NRG1: variants seen among roughly 807,000 people sequenced by gnomAD.
The protein encoded by NRG1 is pro-neuregulin-1, membrane-bound isoform.
A neutral mutation model predicts 63.8 loss-of-function variants in NRG1; 18 were observed. That is an observed-to-expected ratio of 0.28 (90% CI 0.19 to 0.42). NRG1 has a LOEUF of 0.42. NRG1 is among the 10% of genes least tolerant of loss of function. The pLI, the probability that NRG1 is intolerant of heterozygous loss-of-function variation, is 1.00. For synonymous variants in NRG1, 302 were observed against 301.3 expected, an observed-to-expected ratio of 1.00 and a Z score of -0.02; for missense variants, 762 against 814.7, an observed-to-expected ratio of 0.94 and a Z score of 0.79.
At chr8:32,716,074 C>T (rs1213458562) in intron 5 of NRG1, among the ~76,000 whole-genome samples, 2 of 152,176 alleles carry the variant, frequency 1.3e-5, no homozygotes, top group South Asian at 2.1e-4. Context: ...GTGAACTCTT[C>T]CCTTGGTGGG....
chr8:31,704,131 A>G (rs755965098), intron 1 of NRG1, among the ~76,000 whole-genome samples: 2 of 152,186 alleles, frequency 1.3e-5, no homozygotes, highest in Non-Finnish European at 2.9e-5. Flanking sequence ...AAGTTGCCCT[A>G]TATTTCTACA....
chr8:32,538,850 A>T (rs1832292927), intron 1 of NRG1, among the ~76,000 whole-genome samples: 1 of 152,206 alleles, frequency 6.6e-6, no homozygotes, highest in South Asian at 2.1e-4. Context: ...TGGCAGAGAG[A>T]CAAACTTGAA....
intron 1 of NRG1, among the ~76,000 whole-genome samples, chr8:32,331,390 G>C (rs983982122): frequency 1.4e-5 from 2 of 147,652 alleles, no homozygotes; most frequent in Non-Finnish European, 3.0e-5. Context: ...AAATAGCTGG[G>C]TGTGGTGATA....
intron 1 of NRG1, among the ~76,000 whole-genome samples, chr8:32,448,412 G>A (rs1820539998): frequency 6.6e-6 from 1 of 152,182 alleles, no homozygotes; most frequent in Admixed American, 6.5e-5. Context: ...TTAAATTAGT[G>A]TAATCTCTCA....
chr8:32,228,365 TC>T (rs1182499127), intron 1 of NRG1, among the ~76,000 whole-genome samples: 2 of 152,190 alleles, frequency 1.3e-5, no homozygotes, highest in Non-Finnish European at 2.9e-5. Flanking sequence ...AATTAATAGC[TC>T]ATGAGTCCCA....
chr8:31,987,357 T>TGTGA (rs1419809978), intron 1 of NRG1, among the ~76,000 whole-genome samples: 2 of 149,336 alleles, frequency 1.3e-5, no homozygotes, highest in African/African-American at 2.5e-5. Flanking sequence ...TGTATGTGTG[T>TGTGA]GAAATTATGA....
chr8:31,684,725 T>C (rs748378433), intron 1 of NRG1, among the ~76,000 whole-genome samples: 101 of 152,082 alleles, frequency 6.6e-4, no homozygotes, highest in Non-Finnish European at 1.3e-3. Context: ...TGCAGGACAG[T>C]TTTAGGTGGC....
chr8:31,826,170 G>C (rs560104522), intron 1 of NRG1, among the ~76,000 whole-genome samples: 1 of 152,280 alleles, frequency 6.6e-6, no homozygotes, highest in Non-Finnish European at 1.5e-5. Context: ...AGGTCAATGG[G>C]ATGTAAATAG....
chr8:32,639,347 A>C (rs1484641640), intron 5 of NRG1, among the ~76,000 whole-genome samples: 1 of 152,204 alleles, frequency 6.6e-6, no homozygotes, highest in African/African-American at 2.4e-5. Flanking sequence ...TGGAGGCTGC[A>C]GTGAGGTGAG....
At chr8:32,093,252 G>A (rs2131290890) in intron 1 of NRG1, among the ~76,000 whole-genome samples, 1 of 152,222 alleles carries the variant, frequency 6.6e-6, no homozygotes, top group South Asian at 2.1e-4. Context: ...TGCAGGATGT[G>A]CATAGCCCGA....
At chr8:31,733,148 G>GTTTTTT (rs10673288) in intron 1 of NRG1, among the ~76,000 whole-genome samples, 2 of 144,066 alleles carry the variant, frequency 1.4e-5, no homozygotes, top group African/African-American at 2.6e-5. Flanking sequence ...ACTTTATTCT[G>GTTTTTT]TTTTTTTTTT....
At chr8:32,510,125 A>ATCATCATCATC (rs1554566713) in intron 1 of NRG1, among the ~76,000 whole-genome samples, 14,901 of 147,994 alleles carry the variant, frequency 0.1, 1,087 homozygotes, top group Admixed American at 0.23. Context: ...TAATAATAAT[A>ATCATCATCATC]ATCATAAAAG....
intron 1 of NRG1, among the ~76,000 whole-genome samples, chr8:32,332,051 T>C (rs562981110): frequency 6.6e-6 from 1 of 151,968 alleles, no homozygotes; most frequent in Non-Finnish European, 1.5e-5. Context: ...TTTGGGAGGC[T>C]GAAGTGGGAA....
At position 32,233,557 on chromosome 8, in the gene NRG1, A is replaced by ATG. The variant is rs1563934425; in HGVS notation, c.38-362270_38-362269insGT. Among the ~76,000 whole-genome samples the ATG allele has an allele frequency of 5.6e-4, 41 of 73,772 alleles. 1 individual carries two copies. Among genetic ancestry groups the ATG allele is most frequent in the African/African-American group, 2.8e-3 (36 of 12,824 alleles). 48.4% of individuals were successfully genotyped at this position (73,772 alleles called of 152,430 possible). On this transcript the variant is annotated intron_variant, in intron 1 of 10. Coordinates refer to the NRG1 transcript ENST00000519301. Reference sequence around the variant, plus strand: ...AAAGAATATATATATATATATATATATATATATTTTTTTTTTTTTTTCTTT... The same window carrying ATG: ...AAAGAATATATATATATATATATATATGTATATATTTTTTTTTTTTTTTCTTT...
chr8:31,761,257 A>G (rs1210406996), intron 1 of NRG1, among the ~76,000 whole-genome samples: 2 of 152,106 alleles, frequency 1.3e-5, no homozygotes, highest in African/African-American at 2.4e-5. Context: ...AACAATGAGA[A>G]CACATGGACA....
chr8:32,736,039 T>TGAGGTG (rs1462141191), intron 6 of NRG1, among the ~76,000 whole-genome samples: 1 of 152,070 alleles, frequency 6.6e-6, no homozygotes, highest in East Asian at 1.9e-4. Flanking sequence ...ATATACTGTC[T>TGAGGTG]GAACAGTGGT....
intron 5 of NRG1, among the ~76,000 whole-genome samples, chr8:32,678,027 T>C (rs1450713200): frequency 6.6e-6 from 1 of 152,178 alleles, no homozygotes; most frequent in Non-Finnish European, 1.5e-5. Flanking sequence ...TCTAAACTCA[T>C]TGGTTTTTCT....
chr8:32,597,220 G>A (rs1843514183), intron 2 of NRG1, among the ~76,000 whole-genome samples: 1 of 152,126 alleles, frequency 6.6e-6, no homozygotes, highest in African/African-American at 2.4e-5. Flanking sequence ...GGTAACAGAA[G>A]CAACAGAACA....
intron 1 of NRG1, among the ~76,000 whole-genome samples, chr8:32,182,254 A>AT (rs1273122296): frequency 0.014 from 2,016 of 148,752 alleles, 50 homozygotes; most frequent in African/African-American, 0.045. Flanking sequence ...ATGATACACA[A>AT]TTTTTTTTTT....
Sources: gnomAD v4.1 joint callset for allele counts (sites outside exome capture counted in the v4.1 genomes callset) on GRCh38, gnomAD v4.1.1 for gene constraint, MANE v1.5 for transcripts, NCBI Gene and HGNC (gene_info 2026-07-23, HGNC 2026-07-21) for gene names.